The following GRM1 variants were observed in gnomAD, a reference collection of about 807,000 sequenced individuals.
GRM1 encodes metabotropic glutamate receptor 1.
A neutral mutation model predicts 90.9 loss-of-function variants in GRM1; 33 were observed. The observed-to-expected ratio is 0.36, with a 90% CI of 0.28 to 0.49. The LOEUF is 0.49. Ranked by LOEUF, GRM1 falls within the 20% of genes least tolerant of loss-of-function variation. GRM1 has a pLI of 0.99. For synonymous variants in GRM1, 700 were observed against 613.2 expected (o/e 1.14, Z -2.09); for missense variants, 1,190 against 1,534.3 (o/e 0.78, Z 3.75).
chr6:146,102,146 C>T (rs1777072744), intron 1 of GRM1, among the ~76,000 whole-genome samples: 1 of 152,078 alleles, frequency 6.6e-6, no homozygotes, highest in Admixed American at 6.6e-5. Flanking sequence ...TTTTCTTACT[C>T]TTTTTCTCTG....
chr6:146,280,665 CAGG>C (rs1167917843), intron 2 of GRM1, among the ~76,000 whole-genome samples: 1 of 152,162 alleles, frequency 6.6e-6, no homozygotes, highest in Non-Finnish European at 1.5e-5. Context: ...CTCACTCAGG[CAGG>C]AGTGCAGTGG....
At chr6:146,388,404 A>C (rs1402318060) in intron 6 of GRM1, among the ~76,000 whole-genome samples, 1 of 152,050 alleles carries the variant, frequency 6.6e-6, no homozygotes, top group East Asian at 1.9e-4. Context: ...CCAAGTAAAA[A>C]TATGCAACTA....
intron 1 of GRM1, among the ~76,000 whole-genome samples, chr6:146,084,316 T>C (rs1249782206): frequency 6.6e-6 from 1 of 152,084 alleles, no homozygotes; most frequent in Non-Finnish European, 1.5e-5. Flanking sequence ...CTAGCTCTTT[T>C]AATTGTGATG....
At chr6:146,061,818 T>C (rs777541748) in intron 1 of GRM1, among the ~76,000 whole-genome samples, 11 of 152,098 alleles carry the variant, frequency 7.2e-5, no homozygotes, top group Non-Finnish European at 1.2e-4. Flanking sequence ...CCAGTTAGAA[T>C]GGCGATCATT....
In GRM1 at chr6:146,331,286, C is replaced by T. The variant is rs886474408; in HGVS notation, c.1187-20964C>T. 9.9e-5 allele frequency among the ~76,000 whole-genome samples: 15 copies of T among 152,270 alleles called. 1 individual carries two copies. In the East Asian group the frequency reaches 1.7e-3, roughly 18 times the overall value. On this transcript the variant is annotated intron_variant, in intron 3 of 7. Transcript: ENST00000282753. Reference sequence around the variant, plus strand: ...GCCCTCTTAGAGCTATAGCTCACCACGGCCATGGCTCTGAGAGTTTGTGCC... The same window carrying T: ...GCCCTCTTAGAGCTATAGCTCACCATGGCCATGGCTCTGAGAGTTTGTGCC...
chr6:146,355,778 A>C (rs1785561028), intron 4 of GRM1, among the ~76,000 whole-genome samples: 1 of 152,182 alleles, frequency 6.6e-6, no homozygotes, highest in Admixed American at 6.5e-5. Context: ...GATTGTGAAC[A>C]TGAGTCAGTT....
At chr6:146,152,625 C>A (rs572274441) in intron 1 of GRM1, among the ~76,000 whole-genome samples, 13 of 152,108 alleles carry the variant, frequency 8.5e-5, no homozygotes, top group Admixed American at 7.9e-4. Flanking sequence ...GGGGTTATAA[C>A]TTCTATATGG....
intron 1 of GRM1, among the ~76,000 whole-genome samples, chr6:146,135,091 T>C (rs1776570393): frequency 1.3e-5 from 2 of 152,216 alleles, no homozygotes; most frequent in Non-Finnish European, 2.9e-5. Context: ...CCATATCAGA[T>C]ACTTACTATA....
intron 1 of GRM1, among the ~76,000 whole-genome samples, chr6:146,064,882 G>A (rs1546966): frequency 6.6e-6 from 1 of 151,220 alleles, no homozygotes; most frequent in Non-Finnish European, 1.5e-5. Context: ...TTTTTTTCGA[G>A]ATTGAGTCTT....
intron 2 of GRM1, among the ~76,000 whole-genome samples, chr6:146,249,387 G>T (rs9497508): frequency 0.041 from 6,265 of 152,138 alleles, 419 homozygotes; most frequent in African/African-American, 0.14. Context: ...TGCAGCTTTG[G>T]AACTTGGTGT....
chr6:146,120,751 C>T (rs1459845033), intron 1 of GRM1, among the ~76,000 whole-genome samples: 5 of 152,082 alleles, frequency 3.3e-5, no homozygotes, highest in Non-Finnish European at 7.3e-5. Context: ...TATTGATTTG[C>T]GTATGTTGAA....
At chr6:146,206,820 T>A (rs1302358441) in intron 2 of GRM1, among the ~76,000 whole-genome samples, 2 of 152,072 alleles carry the variant, frequency 1.3e-5, no homozygotes, top group African/African-American at 4.8e-5. Context: ...TCCACTAGAG[T>A]AGACCCCAGA....
intron 5 of GRM1, among the ~76,000 whole-genome samples, chr6:146,376,795 G>A (rs1009995567): frequency 2.0e-4 from 31 of 152,066 alleles, no homozygotes; most frequent in Admixed American, 5.9e-4. Context: ...TAACTGATAT[G>A]GTTTGGCTGT....
At chr6:146,101,465 C>T (rs1250300129) in intron 1 of GRM1, among the ~76,000 whole-genome samples, 2 of 152,102 alleles carry the variant, frequency 1.3e-5, no homozygotes, top group East Asian at 1.9e-4. Flanking sequence ...TCCCTATATA[C>T]TCTATGTCTT....
At chr6:146,077,714 T>G (rs1016059486) in intron 1 of GRM1, among the ~76,000 whole-genome samples, 2 of 152,264 alleles carry the variant, frequency 1.3e-5, no homozygotes, top group African/African-American at 4.8e-5. Context: ...ATAAATTTCC[T>G]TATCTTTAAA....
chr6:146,399,658 C>T lies in GRM1; in HGVS notation c.2619C>T (p.Leu873=), dbSNP rs765450864. The change falls in exon 7 of 8, where the codon CTC becomes CTT. Residue 873 remains leucine (L), a synonymous_variant. Transcript: ENST00000282753. This position sits in a 1 kb window ranked among gnomAD's most constrained non-coding sequence, Gnocchi z 5.4. The part of the protein sequence containing the change: ...GKLPCRSNTF[L]NIFRRKKAGA... ...TGCCCTGCCGCTCCAACACTTTCCTCAACATCTTCCGAAGAAAGAAGGCAG... is the reference window on the plus strand; with the variant it reads ...TGCCCTGCCGCTCCAACACTTTCCTTAACATCTTCCGAAGAAAGAAGGCAG... 6.2e-7 allele frequency: 1 copy of T among 1,613,854 alleles called. No individual in the cohort carries two copies. The highest frequency in any genetic ancestry group is 2.2e-5 in the East Asian group (1 of 44,870).
intron 3 of GRM1, among the ~76,000 whole-genome samples, chr6:146,327,897 G>A (rs954117330): frequency 3.6e-4 from 55 of 152,060 alleles, no homozygotes; most frequent in African/African-American, 1.3e-3. Flanking sequence ...TTCGATGGGC[G>A]ATTTAGGGTC....
intron 2 of GRM1, among the ~76,000 whole-genome samples, chr6:146,212,093 T>C (rs1401289713): frequency 6.6e-6 from 1 of 152,172 alleles, no homozygotes; most frequent in Non-Finnish European, 1.5e-5. Context: ...TACTTTAACA[T>C]GTATTAACTG....
At chr6:146,269,321 A>G (rs1174555567) in intron 2 of GRM1, among the ~76,000 whole-genome samples, 1 of 152,232 alleles carries the variant, frequency 6.6e-6, no homozygotes, top group Non-Finnish European at 1.5e-5. Flanking sequence ...GCATGTCTCT[A>G]ATGTATATTT....
Sources: gnomAD v4.1 joint callset for allele counts (sites outside exome capture counted in the v4.1 genomes callset) on GRCh38, gnomAD v4.1.1 for gene constraint, Gnocchi (gnomAD v3.1) non-coding constraint, MANE v1.5 for transcripts, NCBI Gene and HGNC (gene_info 2026-07-23, HGNC 2026-07-21) for gene names.